The following HSF5 variants were observed in gnomAD, a reference collection of about 807,000 sequenced individuals.
The protein encoded by HSF5 is heat shock factor protein 5.
Under a neutral mutation model 50.8 loss-of-function variants are expected in HSF5, and 5 were observed. That is an observed-to-expected ratio of 0.10 (90% CI 0.05 to 0.21). The LOEUF is 0.21. Ranked by LOEUF, HSF5 falls within the 10% of genes least tolerant of loss-of-function variation. HSF5 has a pLI of 1.00. For missense variants in HSF5, 564 were observed against 762.6 expected (o/e 0.74, Z 3.07); for synonymous variants, 307 against 307.4 (o/e 1.00, Z 0.02).
intron 4 of HSF5, among the ~76,000 whole-genome samples, chr17:58,459,740 G>C (rs9904704): frequency 0.017 from 2,611 of 151,506 alleles, 69 homozygotes; most frequent in African/African-American, 0.059. Flanking sequence ...TTCCACCTGG[G>C]CCTCCCAAAG....
intron 5 of HSF5, 28 bp downstream of exon 5, chr17:58,458,740 T>C: frequency 1.3e-6 from 2 of 1,558,628 alleles, no homozygotes. Context: ...ATTCTACTTC[T>C]GGCATTCTAG....
In HSF5 at chr17:58,488,182, G is replaced by C; in HGVS notation, c.93C>G (p.Arg31=). ...LVNSPRYRSI[R]WDGRGEGLLI... is the part of the protein sequence containing the mutation. ...GCAGCCCCTCGCCGCGGCCGTCCCAGCGGATGGAGCGGTAGCGCGGGCTGT... is the reference window on the plus strand; with the variant it reads ...GCAGCCCCTCGCCGCGGCCGTCCCACCGGATGGAGCGGTAGCGCGGGCTGT... The change falls in exon 1 of 6, where the codon CGC becomes CGG. Residue 31 remains arginine, a synonymous_variant. Transcript: ENST00000323777. The surrounding 1 kb of genome is among the most constrained non-coding windows in gnomAD (Gnocchi z 4.1). 6.5e-7 allele frequency: 1 copy of C among 1,530,258 alleles called. No individual in the cohort carries two copies. Among genetic ancestry groups the C allele is most frequent in the Non-Finnish European group, 8.7e-7 (1 of 1,152,314 alleles). 94.8% of individuals were successfully genotyped at this position (1,530,258 alleles called of 1,614,324 possible). A position where few individuals can be genotyped will look rare whatever the true frequency, so the allele number is the denominator to read the frequency against.
chr17:58,440,227 T>C (rs1974481770), intron 5 of HSF5, among the ~76,000 whole-genome samples: 1 of 152,174 alleles, frequency 6.6e-6, no homozygotes, highest in African/African-American at 2.4e-5. Context: ...TGTAGGAGAT[T>C]GAGAGGCTGA....
At chr17:58,480,755 G>A (rs982623884) in intron 1 of HSF5, among the ~76,000 whole-genome samples, 6 of 98,624 alleles carry the variant, frequency 6.1e-5, no homozygotes, top group African/African-American at 2.3e-4. Flanking sequence ...AAAAAGTAAC[G>A]CTCTTTGCTA....
intron 1 of HSF5, among the ~76,000 whole-genome samples, chr17:58,482,709 CAAAAAAAAAAA>C (rs34783781): frequency 1.4e-3 from 19 of 13,462 alleles, no homozygotes; most frequent in African/African-American, 4.9e-3. Flanking sequence ...GACTCCATCT[CAAAAAAAAAAA>C]AAAAAAAAAA....
chr17:58,487,596 C>A (rs2143817117), intron 1 of HSF5, 129 bp downstream of exon 1: 1 of 1,283,686 alleles, frequency 7.8e-7, no homozygotes, highest in Non-Finnish European at 9.8e-7. Flanking sequence ...AGCACAGCGG[C>A]CAATGGGTCC....
chr17:58,440,688 A>T (rs1303141300), intron 5 of HSF5, among the ~76,000 whole-genome samples: 1 of 152,234 alleles, frequency 6.6e-6, no homozygotes, highest in Admixed American at 6.5e-5. Context: ...GCAAGAAAAC[A>T]ACCATGCTTA....
At chr17:58,433,281 G>A (rs1261637933) in intron 5 of HSF5, among the ~76,000 whole-genome samples, 1 of 152,202 alleles carries the variant, frequency 6.6e-6, no homozygotes, top group Non-Finnish European at 1.5e-5. Flanking sequence ...ACAGGTATGA[G>A]CCACCACGCC....
intron 5 of HSF5, among the ~76,000 whole-genome samples, chr17:58,446,158 G>GAAAAAT (rs1567909130): frequency 8.8e-5 from 13 of 147,396 alleles, no homozygotes; most frequent in African/African-American, 3.3e-4. Flanking sequence ...AAAAAAAAAG[G>GAAAAAT]TTAAAATGGG....
chr17:58,465,841 T>C (rs1974858975), intron 3 of HSF5, among the ~76,000 whole-genome samples: 1 of 152,196 alleles, frequency 6.6e-6, no homozygotes. Context: ...TCCAAGCAAG[T>C]GTCTCCTAAG....
intron 5 of HSF5, among the ~76,000 whole-genome samples, chr17:58,435,527 A>G (rs1974416417): frequency 6.6e-6 from 1 of 152,162 alleles, no homozygotes; most frequent in Admixed American, 6.5e-5. Flanking sequence ...AGCCTAGGCA[A>G]CAGAGTGAGA....
Position 58,488,035 on chromosome 17 carries a change from G to T in HSF5, c.240C>A (p.Phe80Leu). The change falls in exon 1 of 6, where the codon TTC becomes TTA. Residue 80 changes from phenylalanine to leucine, a missense_variant. By Grantham distance (22) the Phe-to-Leu change is conservative. This residue lies in a region of HSF5 where 1 missense variants were observed against 17.6 expected (regional missense o/e 0.06). Coordinates refer to ENST00000323777, the MANE Select transcript of HSF5 (RefSeq NM_001080439.3). The surrounding 1 kb of genome is among the most constrained non-coding windows in gnomAD (Gnocchi z 4.1). The part of the protein sequence containing the change: ...ELFKTTSFTS[F>L]IRQLNLYGFR... The stretch of plus-strand genomic sequence containing the variant: ...AGCCGTAGAGGTTGAGCTGGCGGAT[G>T]AAGCTGGTGAAGCTGGTGGTTTTGA... 1 of 1,604,564 alleles carries T rather than the reference G, an allele frequency of 6.2e-7. No individual in the cohort carries two copies.
At chr17:58,478,349 C>T (rs893001258) in intron 2 of HSF5, among the ~76,000 whole-genome samples, 8 of 148,372 alleles carry the variant, frequency 5.4e-5, no homozygotes, top group Admixed American at 3.4e-4. Context: ...TGGTGGCAGG[C>T]GCCTGTAGTC....
rs199675920 is a variant in HSF5 at position 58,480,063 on chromosome 17, C to A, written c.755G>T (p.Gly252Val). The A allele has an allele frequency of 2.5e-6, 4 of 1,613,976 alleles. No homozygotes were observed. The Admixed American group carries it at 6.7e-5, about 27-fold the overall frequency. Residue 252 changes from glycine to valine, a missense_variant, in exon 2 of 6, where the codon GGG (glycine) becomes GTG (valine). Coordinates refer to ENST00000323777, the MANE Select transcript of HSF5 (RefSeq NM_001080439.3). ...CCTCTGGAGTACAGGAAACGGAACC[C>A]CTTTATCTGAAAATGTGGGAGATGT... Reference protein sequence around the residue: ...VETSPTFSDKGVPFPVLQRFP... With the variant: ...VETSPTFSDKVVPFPVLQRFP...
At chr17:58,444,029 A>G (rs1202031218) in intron 5 of HSF5, among the ~76,000 whole-genome samples, 1 of 152,252 alleles carries the variant, frequency 6.6e-6, no homozygotes, top group African/African-American at 2.4e-5. Context: ...CTAACGAATG[A>G]GGCAAAAGAC....
Position 58,448,078 on chromosome 17 carries a change from G to A in HSF5, c.1720+10690C>T, listed in dbSNP as rs145164079. ...GAACCTGGGAGGTGGAAGTTGCAGCGAATTGAGATCAGGCCACTGCACTCC... is the reference window on the plus strand; with the variant it reads ...GAACCTGGGAGGTGGAAGTTGCAGCAAATTGAGATCAGGCCACTGCACTCC... On this transcript the variant is annotated intron_variant, in intron 5 of 5. Coordinates refer to ENST00000323777, the MANE Select transcript of HSF5 (RefSeq NM_001080439.3). Among the ~76,000 whole-genome samples, 907 of 138,990 alleles carry A rather than the reference G, an allele frequency of 6.5e-3. 4 individuals are homozygous for A. Among genetic ancestry groups the A allele is most frequent in the African/African-American group, 0.011 (411 of 37,484 alleles). The allele number at this position is 138,990 out of a possible 152,430, so 91.2% of individuals were successfully genotyped here.
intron 5 of HSF5, among the ~76,000 whole-genome samples, chr17:58,441,795 G>A (rs1301098008): frequency 6.6e-6 from 1 of 152,222 alleles, no homozygotes; most frequent in Non-Finnish European, 1.5e-5. Flanking sequence ...CTACTGTCAA[G>A]GCAGAAAATC....
chr17:58,469,016 C>T (rs1974909815), intron 2 of HSF5, among the ~76,000 whole-genome samples: 1 of 148,032 alleles, frequency 6.8e-6, no homozygotes, highest in Non-Finnish European at 1.5e-5. Context: ...TATTTGACAG[C>T]ACAAATATCC....
chr17:58,466,925 G>A lies in HSF5; in HGVS notation c.980C>T (p.Thr327Ile). 1 of 1,611,364 alleles carries A rather than the reference G, an allele frequency of 6.2e-7. No homozygotes were observed. The highest frequency in any genetic ancestry group is 1.3e-5 in the African/African-American group (1 of 75,000). ...THMDALSSCV[T>I]PTASSYAHCN... Reference sequence around the variant, plus strand: ...GTGTGCATAGGAAGAGGCAGTGGGAGTGACACAACTACTTAGAGCATCCAT... The same window carrying A: ...GTGTGCATAGGAAGAGGCAGTGGGAATGACACAACTACTTAGAGCATCCAT... The change falls in exon 3 of 6, where the codon ACT (threonine) becomes ATT (isoleucine). Residue 327 changes from threonine (T) to isoleucine (I), a missense_variant. By Grantham distance (89) the Thr-to-Ile change is moderately conservative. Around this residue, in one of 5 missense-constraint regions of HSF5, gnomAD observed 441 missense variants for 533.6 expected, o/e 0.83. Coordinates refer to ENST00000323777, the MANE Select transcript of HSF5 (RefSeq NM_001080439.3).
Sources: gnomAD v4.1 joint callset for allele counts (sites outside exome capture counted in the v4.1 genomes callset) on GRCh38, gnomAD v4.1.1 for gene constraint, gnomAD v4.1.1 regional missense constraint, Gnocchi (gnomAD v3.1) non-coding constraint, MANE v1.5 for transcripts, NCBI Gene and HGNC (gene_info 2026-07-23, HGNC 2026-07-21) for gene names.